CNGB1: variants seen among roughly 807,000 people sequenced by gnomAD.
CNGB1 encodes the protein cyclic nucleotide gated channel subunit beta 1.
CNGB1 carries 126 observed loss-of-function variants against 151.7 expected under a neutral mutation model. The ratio of observed to expected loss-of-function variants is 0.83; its 90% CI spans 0.72 to 0.96. The LOEUF is 0.96. CNGB1 is among the 40% of genes least tolerant of loss of function. The pLI is 0.00. For missense variants in CNGB1, 1,698 were observed against 1,627.0 expected (o/e 1.04, Z -0.75); for synonymous variants, 623 against 635.1 (o/e 0.98, Z 0.29).
chr16:57,952,301 GT>G, intron 12 of CNGB1, among the ~76,000 whole-genome samples: 1 of 152,240 alleles, frequency 6.6e-6, no homozygotes, highest in East Asian at 1.9e-4. Context: ...CCTGACTCCC[GT>G]TTTCCCAGTG....
chr16:57,900,616 G>A (rs1316643583), intron 29 of CNGB1, among the ~76,000 whole-genome samples: 4 of 151,996 alleles, frequency 2.6e-5, no homozygotes, highest in Non-Finnish European at 5.9e-5. Flanking sequence ...ATCAGAGGGT[G>A]AAGCTGAGCA....
chr16:57,939,997 A>G (rs1320637001), intron 15 of CNGB1, among the ~76,000 whole-genome samples: 1 of 152,172 alleles, frequency 6.6e-6, no homozygotes, highest in Non-Finnish European at 1.5e-5. Context: ...ACTTGCCCCA[A>G]GCCAGGCACC....
In CNGB1 at chr16:57,933,710, CTTTCT is replaced by C. The variant is rs1387301422; in HGVS notation, c.1373-1837_1373-1833del. Among the ~76,000 whole-genome samples, 5 of 143,486 alleles carry C rather than the reference CTTTCT, an allele frequency of 3.5e-5. 1 individual carries two copies. The South Asian group carries it at 8.8e-4, about 25-fold the overall frequency. The allele number at this position is 143,486 out of a possible 152,430, so 94.1% of individuals were successfully genotyped here. ...ATATATGTGCTTTTTGTTTCTTTTTCTTTCTTTTCTTTTCTTTTTTTTTTTTTTTT... is the reference window on the plus strand; with the variant it reads ...ATATATGTGCTTTTTGTTTCTTTTTCTTTCTTTTCTTTTTTTTTTTTTTTT... On this transcript the variant is annotated intron_variant, in intron 16 of 32. Coordinates refer to ENST00000251102, the MANE Select transcript of CNGB1 (RefSeq NM_001297.5).
intron 16 of CNGB1, among the ~76,000 whole-genome samples, chr16:57,933,163 G>C (rs1241124133): frequency 6.6e-6 from 1 of 151,916 alleles, no homozygotes; most frequent in South Asian, 2.1e-4. Flanking sequence ...CCTGAGCTCA[G>C]GTGATCCACC....
At position 57,950,508 on chromosome 16, in the gene CNGB1, C is replaced by G; in HGVS notation, c.907G>C (p.Asp303His). Residue 303 changes from aspartate to histidine, a missense_variant, in exon 13 of 33, where the codon GAC (aspartate) becomes CAC (histidine). Physicochemically the swap from Asp to His is moderately conservative, Grantham distance 81 (BLOSUM62 -1). Coordinates refer to ENST00000251102, the MANE Select transcript of CNGB1 (RefSeq NM_001297.5). ...SILPGGQVEP[D>H]LVLEEVEPPW... ...GGTTCAACCTCCTCTAGGACAAGGT[C>G]AGGCTCCACTTGTCCTCCAGGAAGG... The G allele has an allele frequency of 6.2e-7, 1 of 1,614,220 alleles. No homozygotes were observed. Among genetic ancestry groups the G allele is most frequent in the Non-Finnish European group, 8.5e-7 (1 of 1,180,040 alleles).
chr16:57,967,436 G>C, intron 1 of CNGB1, 142 bp from the exon 2 acceptor site: 2 of 793,766 alleles, frequency 2.5e-6, no homozygotes, highest in Non-Finnish European at 2.0e-6. Flanking sequence ...GCTCACACCT[G>C]TAATCCCAGC....
intron 14 of CNGB1, among the ~76,000 whole-genome samples, chr16:57,940,914 A>C (rs947823126): frequency 6.6e-6 from 1 of 152,128 alleles, no homozygotes; most frequent in Admixed American, 6.5e-5. Context: ...GCAGGCATAC[A>C]TAAGTGATAG....
chr16:57,901,536 G>A lies in CNGB1; in HGVS notation c.2884C>T (p.Leu962Phe). 2 of 1,614,238 alleles carry A rather than the reference G, an allele frequency of 1.2e-6. No homozygotes were observed. Among genetic ancestry groups the A allele is most frequent in the Non-Finnish European group, 1.7e-6 (2 of 1,180,022 alleles). ...GGCACCAAAAGGTGTACCTGAAAGA[G>A]TGCGACTTTGCTAACGATGTTGTAG... ...VNYNIVSKVA[L>F]FQGCDRQMIF... The change falls in exon 28 of 33, where the codon CTC (leucine) becomes TTC (phenylalanine). Residue 962 changes from leucine to phenylalanine, a missense_variant. By Grantham distance (22) the Leu-to-Phe change is conservative. Coordinates refer to ENST00000251102, the MANE Select transcript of CNGB1 (RefSeq NM_001297.5).
intron 12 of CNGB1, among the ~76,000 whole-genome samples, chr16:57,951,629 A>G (rs1256111530): frequency 1.3e-5 from 2 of 152,184 alleles, no homozygotes; most frequent in Non-Finnish European, 2.9e-5. Context: ...CAGCAGCTGC[A>G]TTTTTGAGCA....
At chr16:57,904,109 G>T (rs1037851021) in intron 26 of CNGB1, 128 bp from the exon 27 acceptor site, 26 of 770,368 alleles carry the variant, frequency 3.4e-5, no homozygotes, top group Non-Finnish European at 5.4e-5. Context: ...CGTTGGGAGG[G>T]GGGTAGGCAG....
rs562985760 is a variant in CNGB1 at position 57,952,701 on chromosome 16, G to A, written c.875-2161C>T. Among the ~76,000 whole-genome samples the A allele has an allele frequency of 1.5e-3, 232 of 151,780 alleles. 2 individuals are homozygous for A. The highest frequency in any genetic ancestry group is 5.2e-3 in the African/African-American group (216 of 41,398). ...TTTTTAGTAGAGATGGGGTTTCACC[G>A]TATTGGCCAGGCTGGTCTCGAACTC... is the stretch of plus-strand genomic sequence containing the variant. On this transcript the variant is annotated intron_variant, in intron 12 of 32. Coordinates refer to ENST00000251102, the MANE Select transcript of CNGB1 (RefSeq NM_001297.5).
At chr16:57,967,368 G>T in intron 1 of CNGB1, 74 bp from the exon 2 acceptor site, 22 of 1,445,774 alleles carry the variant, frequency 1.5e-5, no homozygotes, top group Non-Finnish European at 2.1e-5. Flanking sequence ...CCACTCTTAT[G>T]AGTTGTACAT....
intron 22 of CNGB1, 49 bp downstream of exon 22, chr16:57,916,080 C>A (rs762939655): frequency 3.8e-6 from 6 of 1,596,290 alleles, no homozygotes; most frequent in Non-Finnish European, 5.2e-6. Flanking sequence ...TCTGAGGCAC[C>A]CCCTTCTGAA....
chr16:57,897,810 C>G lies in CNGB1; in HGVS notation c.3081G>C (p.Val1027=). The G allele has an allele frequency of 6.2e-7, 1 of 1,614,218 alleles. No individual in the cohort carries two copies. Among genetic ancestry groups the G allele is most frequent in the Non-Finnish European group, 8.5e-7 (1 of 1,180,028 alleles). Residue 1027 remains valine, a synonymous_variant, in exon 30 of 33, where the codon GTG becomes GTC. Transcript: ENST00000251102. ...CTGCGTCTGACCTTATTTCTCCAAA[C>G]ACAGATCCAGCTTTCAGCGTCACCA... The part of the protein sequence containing the change: ...SVLVTLKAGS[V]FGEISLLAVG...
intron 2 of CNGB1, 143 bp from the exon 3 acceptor site, chr16:57,964,687 G>C: frequency 1.1e-6 from 1 of 875,804 alleles, no homozygotes; most frequent in Non-Finnish European, 1.8e-6. Context: ...TGTAAATCCT[G>C]TTGGCCTTAC....
At chr16:57,933,220 G>A (rs1961406591) in intron 16 of CNGB1, among the ~76,000 whole-genome samples, 1 of 152,188 alleles carries the variant, frequency 6.6e-6, no homozygotes, top group African/African-American at 2.4e-5. Context: ...GAGCCACTGG[G>A]CCCGGCTGGC....
rs71155213 is a variant in CNGB1, at chr16:57,882,799, C to CTTTTTTTTTTTTTTTT, written c.*1364_*1365insAAAAAAAAAAAAAAAA. The CTTTTTTTTTTTTTTTT allele has an allele frequency of 2.2e-5, 3 of 136,064 alleles. No homozygotes were observed. The highest frequency in any genetic ancestry group is 1.6e-5 in the Non-Finnish European group (1 of 62,954). The allele number at this position is 136,064 out of a possible 1,614,324, so 8.4% of individuals were successfully genotyped here. On this transcript the variant is annotated 3_prime_UTR_variant, in exon 33 of 33. Coordinates refer to ENST00000251102, the MANE Select transcript of CNGB1 (RefSeq NM_001297.5). ...CCTTTTTTCTTTTTTTTTCTTTTTT[C>CTTTTTTTTTTTTTTTT]TTTTTTTTTTTTTGTCTGAATCATA...
chr16:57,951,958 T>C lies in CNGB1; in HGVS notation c.875-1418A>G, dbSNP rs116864013. ...TTTCCATGGTTGCTCCCGGCTCCTC[T>C]GGCCCTGCAAACGCCCCTGGGGTTT... On this transcript the variant is annotated intron_variant, in intron 12 of 32. Transcript: ENST00000251102. Among the ~76,000 whole-genome samples, 434 of 152,342 alleles carry C rather than the reference T, an allele frequency of 2.8e-3. 18 individuals are homozygous for C. The East Asian group carries it at 0.068, about 24-fold the overall frequency.
intron 14 of CNGB1, among the ~76,000 whole-genome samples, chr16:57,945,463 T>A (rs984837050): frequency 3.3e-5 from 5 of 152,254 alleles, no homozygotes; most frequent in Admixed American, 6.5e-5. Flanking sequence ...CTTGGGCAAG[T>A]CACCTCGAAG....
Sources: allele counts gnomAD v4.1 joint callset (sites outside exome capture counted in the v4.1 genomes callset), GRCh38; gene constraint gnomAD v4.1.1; transcripts MANE v1.5; gene names NCBI Gene and HGNC (gene_info 2026-07-23, HGNC 2026-07-21).